The following MYO1B variants were observed in gnomAD, a reference collection of about 807,000 sequenced individuals.
MYO1B encodes the protein unconventional myosin-Ib.
MYO1B carries 72 observed loss-of-function variants against 159.7 expected under a neutral mutation model. The observed-to-expected ratio is 0.45, with a 90% CI of 0.37 to 0.55. The LOEUF (loss-of-function observed/expected upper bound fraction) is 0.55, where lower values mean the gene tolerates loss of function less well. MYO1B is among the 20% of genes least tolerant of loss of function. The pLI is 0.00. For missense variants in MYO1B, 1,062 were observed against 1,364.8 expected (o/e 0.78, Z 3.50); for synonymous variants, 468 against 473.8 (o/e 0.99, Z 0.16).
Position 191,247,065 on chromosome 2 carries a change from T to G in MYO1B, c.-10+1439T>G, listed in dbSNP as rs183782953. Among the ~76,000 whole-genome samples, 308 of 152,312 alleles carry G rather than the reference T, an allele frequency of 2.0e-3. 1 individual carries two copies. The highest frequency in any genetic ancestry group is 7.1e-3 in the African/African-American group (296 of 41,556). ...CTATGGGGGATTGAATGATGTGTGTTTTTTGAATGGGGTATTCCAAGCAAA... is the reference window on the plus strand; with the variant it reads ...CTATGGGGGATTGAATGATGTGTGTGTTTTGAATGGGGTATTCCAAGCAAA... On this transcript the variant is annotated intron_variant, in intron 1 of 30. Transcript: ENST00000392318.
At chr2:191,421,091 A>T (rs1697907127) in intron 30 of MYO1B, among the ~76,000 whole-genome samples, 1 of 143,508 alleles carries the variant, frequency 7.0e-6, no homozygotes, top group Non-Finnish European at 1.5e-5. Flanking sequence ...TTTTTTTGAG[A>T]CAGAGTCTTG....
At chr2:191,381,137 G>A (rs1695018226) in intron 13 of MYO1B, 1 of 362,630 alleles carries the variant, frequency 2.8e-6, no homozygotes, top group Non-Finnish European at 5.3e-6. Flanking sequence ...AGATTGTGGA[G>A]CTCACTGTGT....
intron 4 of MYO1B, among the ~76,000 whole-genome samples, chr2:191,334,115 CG>C (rs1442870575): frequency 2.9e-5 from 4 of 136,654 alleles, no homozygotes; most frequent in Non-Finnish European, 6.6e-5. Context: ...TTGTGACTAA[CG>C]GTTTTTTTTT....
At chr2:191,270,422 C>T (rs575709810) in intron 1 of MYO1B, among the ~76,000 whole-genome samples, 79 of 152,096 alleles carry the variant, frequency 5.2e-4, no homozygotes, top group African/African-American at 1.8e-3. Context: ...TTCTATTGGA[C>T]CGTGAGTTCC....
At chr2:191,273,881 A>T (rs1280840131) in intron 1 of MYO1B, among the ~76,000 whole-genome samples, 1 of 152,228 alleles carries the variant, frequency 6.6e-6, no homozygotes, top group African/African-American at 2.4e-5. Context: ...ACTTGTGCCC[A>T]TGGTAAGCAC....
intron 1 of MYO1B, among the ~76,000 whole-genome samples, chr2:191,258,386 T>TG (rs1197440871): frequency 6.6e-6 from 1 of 152,202 alleles, no homozygotes; most frequent in Non-Finnish European, 1.5e-5. Context: ...GACCAGAAGT[T>TG]GCTCTGGGGG....
chr2:191,362,812 G>T (rs1250748071), intron 9 of MYO1B, among the ~76,000 whole-genome samples: 1 of 152,154 alleles, frequency 6.6e-6, no homozygotes, highest in African/African-American at 2.4e-5. Context: ...TAGAAAAGAT[G>T]ATTTTAAATA....
intron 7 of MYO1B, among the ~76,000 whole-genome samples, chr2:191,352,343 T>G (rs1692980622): frequency 6.6e-6 from 1 of 152,196 alleles, no homozygotes; most frequent in African/African-American, 2.4e-5. Context: ...ACACTGTTTT[T>G]AAAAATGAGA....
At chr2:191,332,716 C>A (rs180872778) in intron 4 of MYO1B, among the ~76,000 whole-genome samples, 1 of 152,256 alleles carries the variant, frequency 6.6e-6, no homozygotes, top group Admixed American at 6.5e-5. Context: ...GAATAAGTGG[C>A]AGAGCTGGGA....
At chr2:191,391,270 T>TG (rs1217606277) in intron 18 of MYO1B, among the ~76,000 whole-genome samples, 1 of 152,168 alleles carries the variant, frequency 6.6e-6, no homozygotes, top group Non-Finnish European at 1.5e-5. Context: ...AGGCAGGAAA[T>TG]GGGCGATTTT....
intron 1 of MYO1B, among the ~76,000 whole-genome samples, chr2:191,272,166 G>A (rs1389589695): frequency 6.6e-6 from 1 of 152,158 alleles, no homozygotes; most frequent in Non-Finnish European, 1.5e-5. Context: ...ATAGGGGAAG[G>A]AACAATTGCA....
At chr2:191,301,716 G>A (rs994580614) in intron 3 of MYO1B, among the ~76,000 whole-genome samples, 3 of 152,170 alleles carry the variant, frequency 2.0e-5, no homozygotes, top group Non-Finnish European at 4.4e-5. Context: ...TCTTGGTTAA[G>A]CGATACTCAG....
In MYO1B at chr2:191,323,129, T is replaced by G. The variant is rs79463773; in HGVS notation, c.252-6806T>G. 5.9e-3 allele frequency among the ~76,000 whole-genome samples: 896 copies of G among 152,270 alleles called. 12 individuals are homozygous for G. The highest frequency in any genetic ancestry group is 0.02 in the African/African-American group (843 of 41,552). ...TCATGGTGCTGGTGGGAGTAGCTTT[T>G]AGCATGCTAATGCATTATAATTAGT... is the stretch of plus-strand genomic sequence containing the variant. On this transcript the variant is annotated intron_variant, in intron 3 of 30. Coordinates refer to ENST00000392318, the MANE Select transcript of MYO1B (RefSeq NM_001130158.3).
At chr2:191,274,831 A>G (rs1252910883) in intron 1 of MYO1B, among the ~76,000 whole-genome samples, 1 of 152,160 alleles carries the variant, frequency 6.6e-6, no homozygotes, top group Non-Finnish European at 1.5e-5. Flanking sequence ...AACAGAGCCC[A>G]GCCAACTTCA....
Position 191,392,217 on chromosome 2 carries a change from C to A in MYO1B, c.2076+16C>A, listed in dbSNP as rs772201797. On this transcript the variant is annotated intron_variant, in intron 19 of 30. Transcript: ENST00000392318. Reference sequence around the variant, plus strand: ...CCCAAGAACAGTATGTAACGAAAACCTTTACACTCTGAACTTAAGTTGGAA... The same window carrying A: ...CCCAAGAACAGTATGTAACGAAAACATTTACACTCTGAACTTAAGTTGGAA... 4.5e-5 allele frequency: 70 copies of A among 1,551,422 alleles called. 1 individual carries two copies. The South Asian group carries it at 7.4e-4, about 17-fold the overall frequency.
At position 191,346,350 on chromosome 2, in the gene MYO1B, G is replaced by A. The variant is rs1574477838; in HGVS notation, c.498+68G>A. 5.6e-6 allele frequency: 6 copies of A among 1,075,326 alleles called. No homozygotes were observed. In the African/African-American group the frequency reaches 6.7e-5, roughly 12 times the overall value. The allele number at this position is 1,075,326 out of a possible 1,614,324, so 66.6% of individuals were successfully genotyped here. ...CTCATGTATGTTTAAACAACCAGTAGATGTTTAATATTTCTTAATACACAC... is the reference window on the plus strand; with the variant it reads ...CTCATGTATGTTTAAACAACCAGTAAATGTTTAATATTTCTTAATACACAC... On this transcript the variant is annotated intron_variant, in intron 6 of 30. Coordinates refer to ENST00000392318, the MANE Select transcript of MYO1B (RefSeq NM_001130158.3).
At chr2:191,286,805 T>C (rs1439383345) in intron 2 of MYO1B, among the ~76,000 whole-genome samples, 1 of 152,124 alleles carries the variant, frequency 6.6e-6, no homozygotes, top group African/African-American at 2.4e-5. Context: ...TGGTGGCATG[T>C]ACCTGTAGTC....
chr2:191,424,068 G>C lies in MYO1B; in HGVS notation c.*108G>C, dbSNP rs1698108096. 1 of 1,276,004 alleles carries C rather than the reference G, an allele frequency of 7.8e-7. No individual in the cohort carries two copies. The highest frequency in any genetic ancestry group is 1.1e-6 in the Non-Finnish European group (1 of 928,082). The allele number at this position is 1,276,004 out of a possible 1,614,324, so 79.0% of individuals were successfully genotyped here. On this transcript the variant is annotated 3_prime_UTR_variant, in exon 31 of 31. Transcript: ENST00000392318. ...GTTTGGGAATCACCAAAGGCTTTTA[G>C]AGTTCTTTGGCAAAATAAAAATATT... is the stretch of plus-strand genomic sequence containing the variant.
chr2:191,299,881 G>A (rs1689204991), intron 3 of MYO1B, among the ~76,000 whole-genome samples: 3 of 152,208 alleles, frequency 2.0e-5, no homozygotes, highest in Admixed American at 1.3e-4. Context: ...TACGTATAAG[G>A]TGCTTAGCAT....
Sources: allele counts gnomAD v4.1 joint callset (sites outside exome capture counted in the v4.1 genomes callset), GRCh38; gene constraint gnomAD v4.1.1; transcripts MANE v1.5; gene names NCBI Gene and HGNC (gene_info 2026-07-23, HGNC 2026-07-21).